CFAP92: variants seen among roughly 807,000 people sequenced by gnomAD.
CFAP92 encodes the protein cilia and flagella associated protein 92 (putative), also known as uncharacterized protein CFAP92.
Under a neutral mutation model 106.3 loss-of-function variants are expected in CFAP92, and 86 were observed. That is an observed-to-expected ratio of 0.81 (90% confidence interval 0.68 to 0.97). The LOEUF (loss-of-function observed/expected upper bound fraction) is 0.97. CFAP92 is among the 50% of genes least tolerant of loss of function. The pLI, the probability that CFAP92 is intolerant of heterozygous loss-of-function variation, is 0.00. For missense variants in CFAP92, 1,204 were observed against 1,283.8 expected (o/e 0.94, Z 0.95); for synonymous variants, 477 against 506.4 (o/e 0.94, Z 0.78).
chr3:128,949,306 C>A (rs1940559683), intron 9 of CFAP92, among the ~76,000 whole-genome samples: 1 of 152,204 alleles, frequency 6.6e-6, no homozygotes. Flanking sequence ...CTAGAAGCAA[C>A]CTAAATGTCC....
chr3:128,911,559 T>G (rs866366067), intron 15 of CFAP92, among the ~76,000 whole-genome samples: 4 of 152,152 alleles, frequency 2.6e-5, no homozygotes, highest in Non-Finnish European at 2.9e-5. Flanking sequence ...TGCCTCAGCC[T>G]CCTGAGTAGT....
chr3:129,011,838 C>T, the CFAP92 span, among the ~76,000 whole-genome samples: 6 of 152,150 alleles, frequency 3.9e-5, no homozygotes, highest in East Asian at 1.2e-3. Flanking sequence ...AGGCTTTGCA[C>T]CCCTCCCAGA....
upstream of CFAP92, chr3:129,003,718 G>A (rs912970717): frequency 3.2e-6 from 4 of 1,249,808 alleles, no homozygotes; most frequent in South Asian, 2.0e-5. Flanking sequence ...GCATGGGGCC[G>A]CCGTCGTGGC....
chr3:129,002,660 C>T, exon 1 of CFAP92: 1 of 343,928 alleles, frequency 2.9e-6, no homozygotes, highest in Non-Finnish European at 5.2e-6. Flanking sequence ...CACATATTCC[C>T]TTTCAACAAG....
intron 9 of CFAP92, among the ~76,000 whole-genome samples, chr3:128,948,377 C>CGT (rs756520909): frequency 5.0e-5 from 4 of 79,710 alleles, no homozygotes; most frequent in African/African-American, 1.5e-4. Context: ...CTTTTCTTTC[C>CGT]TTTTTTTTTT....
At chr3:128,935,765 G>T (rs1938943644) in intron 10 of CFAP92, among the ~76,000 whole-genome samples, 1 of 152,112 alleles carries the variant, frequency 6.6e-6, no homozygotes, top group South Asian at 2.1e-4. Context: ...GCTGCAGCGA[G>T]CCCTGATGGC....
chr3:128,979,368 C>A (rs1464384200), intron 4 of CFAP92, among the ~76,000 whole-genome samples: 1 of 152,192 alleles, frequency 6.6e-6, no homozygotes, highest in Non-Finnish European at 1.5e-5. Flanking sequence ...CTAGTTCAAC[C>A]ACTGTGGAAG....
At chr3:128,930,102 T>C (rs1236006783) in intron 12 of CFAP92, among the ~76,000 whole-genome samples, 1 of 152,140 alleles carries the variant, frequency 6.6e-6, no homozygotes, top group East Asian at 1.9e-4. Flanking sequence ...TTGTAAGAGA[T>C]AGGGGGCTAG....
At chr3:128,912,582 C>T in intron 15 of CFAP92, 1 of 1,614,138 alleles carries the variant, frequency 6.2e-7, no homozygotes, top group South Asian at 1.1e-5. Flanking sequence ...TATATCTGTG[C>T]CCACCCTCTG....
At chr3:129,000,576 A>G (rs964535377) in intron 1 of CFAP92, among the ~76,000 whole-genome samples, 1 of 152,216 alleles carries the variant, frequency 6.6e-6, no homozygotes, top group African/African-American at 2.4e-5. Context: ...GGACAATATC[A>G]CAATATCACT....
intron 5 of CFAP92, 138 bp from the exon 6 acceptor site, chr3:128,977,204 T>C: frequency 3.0e-6 from 2 of 667,556 alleles, no homozygotes; most frequent in South Asian, 3.4e-5. Flanking sequence ...ATATTGTTAA[T>C]AACTGAGTGA....
In CFAP92 at chr3:128,916,182, G is replaced by A. The variant is rs897505021; in HGVS notation, c.2841C>T (p.Ala947=). The A allele has an allele frequency of 4.5e-5, 56 of 1,231,892 alleles. No homozygotes were observed. Among genetic ancestry groups the A allele is most frequent in the Non-Finnish European group, 5.1e-5 (50 of 987,942 alleles). The allele number at this position is 1,231,892 out of a possible 1,614,324, so 76.3% of individuals were successfully genotyped here. ...VIKISAPANK[A]VYNYSTQTMN... The stretch of plus-strand genomic sequence containing the variant: ...TGGTCTGGGTACTATAGTTGTAGAC[G>A]GCCTTGTTGGCAGGGGCTGAAATTT... The change falls in exon 13 of 16, where the codon GCC becomes GCT. Residue 947 remains alanine (A), a synonymous_variant. Coordinates refer to ENST00000645291, the MANE Select transcript of CFAP92 (RefSeq NM_001394090.1).
At position 128,945,964 on chromosome 3, in the gene CFAP92, C is replaced by T. The variant is rs1346365696; in HGVS notation, c.1365G>A (p.Met455Ile). 6.3e-6 allele frequency: 9 copies of T among 1,438,754 alleles called. No individual in the cohort carries two copies. The highest frequency in any genetic ancestry group is 4.5e-6 in the Non-Finnish European group (5 of 1,102,096). The allele number at this position is 1,438,754 out of a possible 1,614,324, so 89.1% of individuals were successfully genotyped here. A position where few individuals can be genotyped will look rare whatever the true frequency, so the allele number is the denominator to read the frequency against. The change falls in exon 10 of 16, where the codon ATG becomes ATA. Residue 455 changes from methionine (M) to isoleucine (I), a missense_variant. Physicochemically the swap from Met to Ile is conservative, Grantham distance 10. Coordinates refer to ENST00000645291, the MANE Select transcript of CFAP92 (RefSeq NM_001394090.1). ...VPIQELERLC[M>I]PVYCKYQFHK... Reference sequence around the variant, plus strand: ...GGAACTGGTACTTGCAGTACACAGGCATGCACAGCCTCTACGAGAGAGCAG... The same window carrying T: ...GGAACTGGTACTTGCAGTACACAGGTATGCACAGCCTCTACGAGAGAGCAG...
chr3:128,913,600 CTT>C lies in CFAP92; in HGVS notation c.3280+1517_3280+1518del, dbSNP rs1255895009. ...TTGAGCACAGAGAAGGCAGCCGACT[CTT>C]TTTCCTCCAAGTATATTCCCAATTT... is the stretch of plus-strand genomic sequence containing the variant. On this transcript the variant is annotated intron_variant, in intron 15 of 15. Coordinates refer to ENST00000645291, the MANE Select transcript of CFAP92 (RefSeq NM_001394090.1). Among the ~76,000 whole-genome samples the C allele has an allele frequency of 4.6e-5, 7 of 152,088 alleles. 1 individual carries two copies. The highest frequency in any genetic ancestry group is 2.0e-4 in the Admixed American group (3 of 15,256).
chr3:128,923,590 G>A (rs529224995), intron 12 of CFAP92, among the ~76,000 whole-genome samples: 7 of 152,302 alleles, frequency 4.6e-5, no homozygotes, highest in African/African-American at 1.4e-4. Context: ...AGGGAAGGGG[G>A]AAATATGTAA....
At chr3:128,928,940 G>T (rs544773114) in intron 12 of CFAP92, among the ~76,000 whole-genome samples, 2 of 151,960 alleles carry the variant, frequency 1.3e-5, no homozygotes, top group Non-Finnish European at 2.9e-5. Context: ...ACAATAAAAA[G>T]ACAACTTGAT....
chr3:128,932,864 C>T lies in CFAP92; in HGVS notation c.2587G>A (p.Glu863Lys). 1.3e-6 allele frequency: 2 copies of T among 1,536,214 alleles called. No individual in the cohort carries two copies. The highest frequency in any genetic ancestry group is 1.7e-6 in the Non-Finnish European group (2 of 1,146,930). ...TGAGGTGGTAGGGCAAACAGTTTCT[C>T]ATCTGTGAGTTCTTCTTGCGAAAGG... is the stretch of plus-strand genomic sequence containing the variant. ...MPLSQEELTDEKLFALPPQPA... is the reference protein window; with the variant it reads ...MPLSQEELTDKKLFALPPQPA... The change falls in exon 12 of 16, where the codon GAG becomes AAG. Residue 863 changes from glutamate (E) to lysine (K), a missense_variant. Physicochemically the swap from Glu to Lys is moderately conservative, Grantham distance 56. Coordinates refer to ENST00000645291, the MANE Select transcript of CFAP92 (RefSeq NM_001394090.1).
At chr3:129,001,063 G>T (rs1310815669) in intron 1 of CFAP92, among the ~76,000 whole-genome samples, 1 of 152,246 alleles carries the variant, frequency 6.6e-6, no homozygotes, top group Non-Finnish European at 1.5e-5. Flanking sequence ...ACAGGGCGGC[G>T]AGAGCAGGCT....
chr3:128,940,601 C>T (rs1939525867), intron 10 of CFAP92, among the ~76,000 whole-genome samples: 1 of 152,114 alleles, frequency 6.6e-6, no homozygotes, highest in South Asian at 2.1e-4. Context: ...TATTTATTCC[C>T]CACCAATTTT....
Sources: allele counts gnomAD v4.1 joint callset (sites outside exome capture counted in the v4.1 genomes callset), GRCh38; gene constraint gnomAD v4.1.1; transcripts MANE v1.5; gene names NCBI Gene and HGNC (gene_info 2026-07-23, HGNC 2026-07-21).